OLFML2A: variants seen among roughly 807,000 people sequenced by gnomAD.
OLFML2A encodes the protein olfactomedin-like protein 2A.
OLFML2A carries 47 observed loss-of-function variants against 60.9 expected under a neutral mutation model. The observed-to-expected ratio is 0.77, with a 90% CI of 0.61 to 0.98. The LOEUF (loss-of-function observed/expected upper bound fraction) is 0.98. Among genes scored for constraint, OLFML2A ranks in the 50% least tolerant of loss-of-function variants. The probability of loss-of-function intolerance (pLI) is 0.00; values close to 1 mark genes in which losing one functional copy is unlikely to be tolerated. For synonymous variants in OLFML2A, 372 were observed against 375.0 expected (o/e 0.99, Z 0.09); for missense variants, 922 against 879.8 (o/e 1.05, Z -0.61).
intron 1 of OLFML2A, among the ~76,000 whole-genome samples, chr9:124,783,510 C>T (rs1841400655): frequency 6.6e-6 from 1 of 152,118 alleles, no homozygotes; most frequent in Admixed American, 6.6e-5. Context: ...ACTTAAGATG[C>T]ACTCAATATG....
intron 1 of OLFML2A, among the ~76,000 whole-genome samples, chr9:124,780,738 G>A (rs760628551): frequency 1.3e-5 from 2 of 152,192 alleles, no homozygotes; most frequent in South Asian, 2.1e-4. Flanking sequence ...GAGGAGCATC[G>A]TGTGTGCCAA....
At chr9:124,782,036 G>A (rs1185788783) in intron 1 of OLFML2A, among the ~76,000 whole-genome samples, 2 of 152,242 alleles carry the variant, frequency 1.3e-5, no homozygotes, top group Non-Finnish European at 2.9e-5. Context: ...GAGAGATGCA[G>A]GGCCAAGGCA....
At position 124,801,789 on chromosome 9, in the gene OLFML2A, C is replaced by T. The variant is rs1232411267; in HGVS notation, c.919+126C>T. On this transcript the variant is annotated intron_variant, in intron 5 of 7. Coordinates refer to ENST00000373580, the MANE Select transcript of OLFML2A (RefSeq NM_182487.4). ...ACCCATTGATTACCTGTTGGGTGCC[C>T]TCTGCTCATTCACATATGAGGATAA... The T allele has an allele frequency of 3.7e-6, 4 of 1,072,516 alleles. No homozygotes were observed. In the Admixed American group the frequency reaches 7.8e-5, roughly 21 times the overall value. 66.4% of individuals were successfully genotyped at this position (1,072,516 alleles called of 1,614,324 possible).
intron 2 of OLFML2A, among the ~76,000 whole-genome samples, chr9:124,790,955 A>G (rs1235364816): frequency 6.6e-6 from 1 of 152,204 alleles, no homozygotes; most frequent in African/African-American, 2.4e-5. Flanking sequence ...TGGCTGTGGT[A>G]GGAGAGATAC....
intron 3 of OLFML2A, among the ~76,000 whole-genome samples, chr9:124,797,362 A>G (rs1428828705): frequency 6.6e-6 from 1 of 152,218 alleles, no homozygotes; most frequent in African/African-American, 2.4e-5. Context: ...AGTTGTTAGT[A>G]TGATGACATA....
chr9:124,787,566 T>TTTA (rs1841499813), intron 2 of OLFML2A, among the ~76,000 whole-genome samples: 1 of 150,002 alleles, frequency 6.7e-6, no homozygotes, highest in East Asian at 2.0e-4. Context: ...TATTTTATTT[T>TTTA]ATTTATTTCT....
chr9:124,813,594 T>C lies in OLFML2A; in HGVS notation c.*3182T>C, dbSNP rs1205537214. On this transcript the variant is annotated 3_prime_UTR_variant, in exon 8 of 8. Coordinates refer to ENST00000373580, the MANE Select transcript of OLFML2A (RefSeq NM_182487.4). The stretch of plus-strand genomic sequence containing the variant: ...CTCCAGAAACGGAGGCTGTTGCTTT[T>C]ATCCCTAAACTGCATCCACAGAGAA... 1 of 152,206 alleles carries C rather than the reference T, an allele frequency of 6.6e-6. No individual in the cohort carries two copies. Among genetic ancestry groups the C allele is most frequent in the Non-Finnish European group, 1.5e-5 (1 of 68,038 alleles). 9.4% of individuals were successfully genotyped at this position (152,206 alleles called of 1,614,324 possible). A position where few individuals can be genotyped will look rare whatever the true frequency, so the allele number is the denominator to read the frequency against.
chr9:124,809,088 A>G (rs1229019922), intron 7 of OLFML2A, among the ~76,000 whole-genome samples: 2 of 151,830 alleles, frequency 1.3e-5, no homozygotes, highest in Non-Finnish European at 2.9e-5. Flanking sequence ...AATTGCTTGA[A>G]CCTGGGAGGC....
At chr9:124,805,534 A>G (rs1038769240) in intron 6 of OLFML2A, among the ~76,000 whole-genome samples, 5 of 152,176 alleles carry the variant, frequency 3.3e-5, no homozygotes, top group Admixed American at 1.3e-4. Flanking sequence ...ACAGTTTTTT[A>G]AAGTATGTCT....
intron 1 of OLFML2A, among the ~76,000 whole-genome samples, chr9:124,780,857 A>G (rs1841350688): frequency 6.6e-6 from 1 of 152,344 alleles, no homozygotes; most frequent in South Asian, 2.1e-4. Flanking sequence ...GAGGCTCAAA[A>G]GAGTCTGATT....
chr9:124,777,447 C>A lies in OLFML2A; in HGVS notation c.90+87C>A, dbSNP rs1841279106. On this transcript the variant is annotated intron_variant, in intron 1 of 7. Transcript: ENST00000373580. The surrounding 1 kb of genome is among the most constrained non-coding windows in gnomAD (Gnocchi z 6.2). ...GCTGGGGTGCGGCCCGGGAGGGAGC[C>A]CGGGGCCAGGGCGGAGGAGCCGGGA... The A allele has an allele frequency of 1.7e-6, 2 of 1,186,530 alleles. No individual in the cohort carries two copies. The highest frequency in any genetic ancestry group is 3.3e-4 in the Middle Eastern group (1 of 3,054). The allele number at this position is 1,186,530 out of a possible 1,614,324, so 73.5% of individuals were successfully genotyped here.
intron 1 of OLFML2A, 114 bp from the exon 2 acceptor site, chr9:124,786,861 A>C (rs1237280388): frequency 1.9e-6 from 2 of 1,051,142 alleles, no homozygotes; most frequent in South Asian, 1.5e-5. Flanking sequence ...TACCTGCCAA[A>C]CACTCTCATC....
Position 124,810,644 on chromosome 9 carries a change from T to G in OLFML2A, c.*232T>G. 2 of 568,112 alleles carry G rather than the reference T, an allele frequency of 3.5e-6. No homozygotes were observed. The highest frequency in any genetic ancestry group is 3.1e-6 in the Non-Finnish European group (1 of 318,932). 35.2% of individuals were successfully genotyped at this position (568,112 alleles called of 1,614,324 possible). A position where few individuals can be genotyped will look rare whatever the true frequency, so the allele number is the denominator to read the frequency against. On this transcript the variant is annotated 3_prime_UTR_variant, in exon 8 of 8. Coordinates refer to ENST00000373580, the MANE Select transcript of OLFML2A (RefSeq NM_182487.4). ...CACACACTTACCCGTTTGATTCTCC[T>G]AGCACCTCCCTTGGAGGTAGAGATC...
intron 2 of OLFML2A, 39 bp downstream of exon 2, chr9:124,787,277 C>G (rs1158218672): frequency 6.3e-7 from 1 of 1,587,936 alleles, no homozygotes; most frequent in East Asian, 2.3e-5. Context: ...AAGGGCCTAT[C>G]ATGAGCTGGA....
At chr9:124,806,276 G>C (rs912686592) in intron 6 of OLFML2A, among the ~76,000 whole-genome samples, 1 of 152,066 alleles carries the variant, frequency 6.6e-6, no homozygotes, top group African/African-American at 2.4e-5. Context: ...ACATACTGCA[G>C]AAAGAATAAT....
intron 4 of OLFML2A, 50 bp downstream of exon 4, chr9:124,799,541 C>A: frequency 6.9e-7 from 1 of 1,452,206 alleles, no homozygotes; most frequent in Non-Finnish European, 9.4e-7. Flanking sequence ...AACTTGGGAG[C>A]TCAGTGTGCC....
Position 124,804,169 on chromosome 9 carries a change from C to A in OLFML2A, c.995C>A (p.Pro332His), listed in dbSNP as rs778687711. ...KVEGRSNSAE[P>H]NSAEQDEAEP... Reference sequence around the variant, plus strand: ...GAGGGCAGGTCCAACTCCGCAGAGCCCAACTCCGCAGAGCAGGATGAGGCT... The same window carrying A: ...GAGGGCAGGTCCAACTCCGCAGAGCACAACTCCGCAGAGCAGGATGAGGCT... The change falls in exon 6 of 8, where the codon CCC becomes CAC. Residue 332 changes from proline to histidine, a missense_variant. Transcript: ENST00000373580. 6.2e-7 allele frequency: 1 copy of A among 1,613,996 alleles called. No individual in the cohort carries two copies. Among genetic ancestry groups the A allele is most frequent in the Admixed American group, 1.7e-5 (1 of 60,020 alleles).
At chr9:124,804,001 G>T in intron 5 of OLFML2A, 93 bp from the exon 6 acceptor site, 1 of 1,438,420 alleles carries the variant, frequency 7.0e-7, no homozygotes. Context: ...CACTCCCTGA[G>T]GGCCCCTGAG....
chr9:124,807,621 C>T (rs16927647), intron 6 of OLFML2A, among the ~76,000 whole-genome samples, 160 bp from the exon 7 acceptor site: 6,230 of 152,158 alleles, frequency 0.041, 352 homozygotes, highest in African/African-American at 0.12. Flanking sequence ...TTTTTGGTAA[C>T]GATCAGGCAT....
Sources: allele counts gnomAD v4.1 joint callset (sites outside exome capture counted in the v4.1 genomes callset), GRCh38; gene constraint gnomAD v4.1.1; non-coding constraint Gnocchi (gnomAD v3.1); transcripts MANE v1.5; gene names NCBI Gene and HGNC (gene_info 2026-07-23, HGNC 2026-07-21).